MRTFB: variants seen among roughly 807,000 people sequenced by gnomAD.
The protein encoded by MRTFB is myocardin-related transcription factor B.
MRTFB carries 29 observed loss-of-function variants against 104.2 expected under a neutral mutation model. The ratio of observed to expected loss-of-function variants is 0.28; its 90% CI spans 0.21 to 0.38. The LOEUF is 0.38. Among genes scored for constraint, MRTFB ranks in the 10% least tolerant of loss-of-function variants. The pLI, the probability that MRTFB is intolerant of heterozygous loss-of-function variation, is 1.00. For synonymous variants in MRTFB, 535 were observed against 519.5 expected, an observed-to-expected ratio of 1.03 and a Z score of -0.41; for missense variants, 1,270 against 1,341.6, an observed-to-expected ratio of 0.95 and a Z score of 0.83.
At chr16:14,240,094 A>G (rs2042697059) in intron 9 of MRTFB, 143 bp from the exon 10 acceptor site, 1 of 1,020,396 alleles carries the variant, frequency 9.8e-7, no homozygotes, top group African/African-American at 1.6e-5. Context: ...TTTTGAAACG[A>G]ATTTAGCATA....
intron 1 of MRTFB, among the ~76,000 whole-genome samples, chr16:14,076,666 C>G (rs1387728210): frequency 6.6e-6 from 1 of 152,086 alleles, no homozygotes; most frequent in East Asian, 1.9e-4. Context: ...GGATACATTC[C>G]TAGAGGTGGG....
intron 3 of MRTFB, among the ~76,000 whole-genome samples, chr16:14,146,409 A>G (rs1237027260): frequency 2.0e-5 from 3 of 152,240 alleles, no homozygotes; most frequent in Admixed American, 2.0e-4. Flanking sequence ...TTATAGTCCT[A>G]TCTTGAAATC....
At chr16:14,120,517 C>T (rs1451037013) in intron 2 of MRTFB, among the ~76,000 whole-genome samples, 2 of 152,168 alleles carry the variant, frequency 1.3e-5, no homozygotes, top group South Asian at 2.1e-4. Flanking sequence ...ACTGGTTGCA[C>T]AAGCCAGTGT....
At position 14,248,880 on chromosome 16, in the gene MRTFB, T is replaced by G. The variant is rs13338948; in HGVS notation, c.2248-46T>G. ...TACACCTAAGTTCTGATTTCTAACTTTGATTCTGACAATTAAATTGATGTT... is the reference window on the plus strand; with the variant it reads ...TACACCTAAGTTCTGATTTCTAACTGTGATTCTGACAATTAAATTGATGTT... On this transcript the variant is annotated intron_variant, in intron 12 of 16. Coordinates refer to ENST00000571589, the MANE Select transcript of MRTFB (RefSeq NM_001308142.2). 2.5e-3 allele frequency: 4,002 copies of G among 1,598,958 alleles called. 70 individuals carry two copies. The African/African-American group carries it at 0.04, about 16-fold the overall frequency.
chr16:14,097,304 C>G (rs2035434498), intron 2 of MRTFB, among the ~76,000 whole-genome samples: 1 of 152,160 alleles, frequency 6.6e-6, no homozygotes, highest in African/African-American at 2.4e-5. Context: ...GCATTCAGTT[C>G]TGGTAGTTTA....
intron 3 of MRTFB, among the ~76,000 whole-genome samples, chr16:14,179,255 G>A (rs1467505320): frequency 1.3e-5 from 2 of 152,196 alleles, no homozygotes; most frequent in African/African-American, 4.8e-5. Flanking sequence ...CTTGACACCT[G>A]ACAGTGGTCC....
chr16:14,048,404 G>T, the MRTFB span, among the ~76,000 whole-genome samples: 5 of 152,222 alleles, frequency 3.3e-5, no homozygotes, highest in South Asian at 4.1e-4. Context: ...GCTCTGCAAA[G>T]ACTTGGGACA....
At chr16:14,082,296 T>A (rs1289354932) in intron 2 of MRTFB, among the ~76,000 whole-genome samples, 1 of 152,238 alleles carries the variant, frequency 6.6e-6, no homozygotes, top group African/African-American at 2.4e-5. Context: ...GAAGAGACTG[T>A]CCTTTCCCCA....
At chr16:14,200,819 C>T (rs993708252) in intron 3 of MRTFB, 12 of 1,470,116 alleles carry the variant, frequency 8.2e-6, no homozygotes, top group African/African-American at 2.8e-5. Context: ...AAGTGGTTGG[C>T]GGTGGTTATC....
Position 14,097,433 on chromosome 16 carries a change from G to C in MRTFB, c.-64+18079G>C, listed in dbSNP as rs545683707. Among the ~76,000 whole-genome samples the C allele has an allele frequency of 2.6e-5, 4 of 152,272 alleles. No individual in the cohort carries two copies. The East Asian group carries it at 7.7e-4, about 29-fold the overall frequency. ...ACTTTTGTAGTTGTGTTTATATAGA[G>C]TAAAGGTCAAAGGAAAAGGTGTATT... On this transcript the variant is annotated intron_variant, in intron 2 of 16. Transcript: ENST00000571589.
Position 14,261,591 on chromosome 16 carries a change from A to C in MRTFB, c.*147A>C. ...AATAGGTGGAAGGTCATAGCCTGGA[A>C]CCCAAGTTTGAAAACATTTCATTGT... On this transcript the variant is annotated 3_prime_UTR_variant, in exon 17 of 17. Coordinates refer to ENST00000571589, the MANE Select transcript of MRTFB (RefSeq NM_001308142.2). 1 of 791,598 alleles carries C rather than the reference A, an allele frequency of 1.3e-6. No homozygotes were observed. The highest frequency in any genetic ancestry group is 1.7e-5 in the African/African-American group (1 of 57,674). The allele number at this position is 791,598 out of a possible 1,614,324, so 49.0% of individuals were successfully genotyped here.
intron 12 of MRTFB, 129 bp downstream of exon 12, chr16:14,247,636 C>A: frequency 1.3e-6 from 1 of 774,990 alleles, no homozygotes; most frequent in Non-Finnish European, 2.0e-6. Flanking sequence ...AAAACGTATG[C>A]ATGTGTGAGA....
intron 2 of MRTFB, among the ~76,000 whole-genome samples, chr16:14,120,861 CTG>C (rs1291187259): frequency 6.6e-6 from 1 of 152,118 alleles, no homozygotes; most frequent in African/African-American, 2.4e-5. Context: ...TAAGGTCTGT[CTG>C]TGGGACCATG....
intron 3 of MRTFB, among the ~76,000 whole-genome samples, chr16:14,204,945 A>C (rs1158612159): frequency 3.9e-5 from 6 of 152,260 alleles, no homozygotes; most frequent in African/African-American, 1.4e-4. Context: ...CATTATTTAT[A>C]GTTAAAAAAT....
intron 8 of MRTFB, among the ~76,000 whole-genome samples, chr16:14,230,851 C>T (rs1455889529): frequency 6.6e-6 from 1 of 151,284 alleles, no homozygotes; most frequent in Non-Finnish European, 1.5e-5. Flanking sequence ...TATTGAGGCA[C>T]TATTCACAAT....
chr16:14,219,440 C>A (rs1419273183), intron 8 of MRTFB, among the ~76,000 whole-genome samples: 2 of 152,132 alleles, frequency 1.3e-5, no homozygotes, highest in African/African-American at 4.8e-5. Context: ...CATAATTTTT[C>A]TCTCCTTATA....
chr16:14,195,711 C>T, intron 3 of MRTFB: 1 of 306,980 alleles, frequency 3.3e-6, no homozygotes, highest in South Asian at 1.3e-4. Flanking sequence ...GTACATTTTT[C>T]CATTATAGAG....
At chr16:14,258,239 C>A in intron 16 of MRTFB, 78 bp downstream of exon 16, 1 of 1,088,342 alleles carries the variant, frequency 9.2e-7, no homozygotes, top group South Asian at 1.3e-5. Flanking sequence ...CTTAAGCACT[C>A]ATAGCTTATC....
intron 2 of MRTFB, among the ~76,000 whole-genome samples, chr16:14,129,904 C>G (rs777804119): frequency 3.9e-5 from 6 of 152,212 alleles, no homozygotes; most frequent in Non-Finnish European, 8.8e-5. Flanking sequence ...TCTCCCCTCA[C>G]TGCAACCTCT....
Sources: gnomAD v4.1 joint callset for allele counts (sites outside exome capture counted in the v4.1 genomes callset) on GRCh38, gnomAD v4.1.1 for gene constraint, MANE v1.5 for transcripts, NCBI Gene and HGNC (gene_info 2026-07-23, HGNC 2026-07-21) for gene names.